Variants in EYS observed in about 807,000 individuals in gnomAD.
The protein encoded by EYS is EGF-like photoreceptor maintenance factor, also known as protein eyes shut homolog.
In EYS, 250 loss-of-function variants were observed where a neutral mutation model predicts 282.1. That is an observed-to-expected ratio of 0.89 (90% confidence interval 0.80 to 0.98). The LOEUF (loss-of-function observed/expected upper bound fraction) is 0.98, where lower values mean the gene tolerates loss of function less well. Ranked by LOEUF, EYS falls within the 50% of genes least tolerant of loss-of-function variation. The pLI, the probability that EYS is intolerant of heterozygous loss-of-function variation, is 0.00. For missense variants in EYS, 4,016 were observed against 3,709.0 expected (o/e 1.08, Z -2.15); for synonymous variants, 1,355 against 1,282.9 (o/e 1.06, Z -1.20).
At chr6:65,258,895 T>C (rs1407965783) in intron 12 of EYS, among the ~76,000 whole-genome samples, 1 of 152,074 alleles carries the variant, frequency 6.6e-6, no homozygotes, top group Non-Finnish European at 1.5e-5. Context: ...CCCATAAAAG[T>C]ATTTTTTAAA....
At chr6:64,072,741 G>A (rs944206208) in intron 32 of EYS, among the ~76,000 whole-genome samples, 1 of 151,730 alleles carries the variant, frequency 6.6e-6, no homozygotes, top group Non-Finnish European at 1.5e-5. Flanking sequence ...CCATTCTATC[G>A]TTTCTACTCA....
At chr6:64,475,180 T>C (rs1417525342) in intron 26 of EYS, among the ~76,000 whole-genome samples, 1 of 152,230 alleles carries the variant, frequency 6.6e-6, no homozygotes, top group South Asian at 2.1e-4. Flanking sequence ...TTTTCTCATG[T>C]GGTATCATAC....
intron 41 of EYS, among the ~76,000 whole-genome samples, chr6:63,727,816 C>A (rs1214706184): frequency 1.4e-4 from 13 of 91,178 alleles, no homozygotes; most frequent in African/African-American, 1.9e-4. Flanking sequence ...GTGGAAGGAT[C>A]AGTTGAGCTT....
intron 24 of EYS, among the ~76,000 whole-genome samples, chr6:64,600,961 C>A (rs1766743635): frequency 6.6e-6 from 1 of 151,998 alleles, no homozygotes; most frequent in South Asian, 2.1e-4. Context: ...AGTGAAATTC[C>A]AGAAATCCTA....
At chr6:64,240,246 T>C (rs1195058383) in intron 30 of EYS, among the ~76,000 whole-genome samples, 1 of 152,220 alleles carries the variant, frequency 6.6e-6, no homozygotes, top group Non-Finnish European at 1.5e-5. Context: ...TGCTCTTTTT[T>C]GGTTCCATAT....
chr6:65,428,524 T>G (rs1767750419), intron 5 of EYS, among the ~76,000 whole-genome samples: 1 of 151,618 alleles, frequency 6.6e-6, no homozygotes, highest in Admixed American at 6.6e-5. Context: ...TTTTTAGCAA[T>G]ATTGAGGTTA....
intron 33 of EYS, among the ~76,000 whole-genome samples, chr6:64,020,320 T>G (rs1769127737): frequency 6.6e-6 from 1 of 152,210 alleles, no homozygotes; most frequent in African/African-American, 2.4e-5. Flanking sequence ...AAATTTTACA[T>G]GTACCTATAA....
At chr6:64,063,348 C>T (rs1162522134) in intron 33 of EYS, among the ~76,000 whole-genome samples, 2 of 152,266 alleles carry the variant, frequency 1.3e-5, no homozygotes, top group Non-Finnish European at 2.9e-5. Context: ...ATCTAACCTG[C>T]TCTTCTTGCA....
chr6:65,033,512 T>C (rs1219834823), intron 13 of EYS, among the ~76,000 whole-genome samples: 4 of 152,256 alleles, frequency 2.6e-5, no homozygotes, highest in African/African-American at 9.6e-5. Context: ...TTCTGGCCTC[T>C]CTAGCTTCAT....
At chr6:64,322,639 G>A (rs766076983) in intron 29 of EYS, among the ~76,000 whole-genome samples, 1 of 152,024 alleles carries the variant, frequency 6.6e-6, no homozygotes, top group Non-Finnish European at 1.5e-5. Flanking sequence ...TGTGGTTGAG[G>A]TGAAGTATTG....
chr6:64,373,540 G>A (rs1772459091), intron 29 of EYS, among the ~76,000 whole-genome samples: 1 of 152,226 alleles, frequency 6.6e-6, no homozygotes, highest in Admixed American at 6.5e-5. Context: ...TCTAGTGGGT[G>A]TAGCCTGTCT....
intron 12 of EYS, among the ~76,000 whole-genome samples, chr6:65,118,112 G>T (rs1027242295): frequency 6.6e-6 from 1 of 152,194 alleles, no homozygotes; most frequent in Non-Finnish European, 1.5e-5. Flanking sequence ...AGTTAACTGA[G>T]ATTCAAATGA....
At chr6:64,158,280 G>C (rs1774994418) in intron 31 of EYS, among the ~76,000 whole-genome samples, 1 of 152,156 alleles carries the variant, frequency 6.6e-6, no homozygotes, top group Non-Finnish European at 1.5e-5. Context: ...TTAGTTGTAG[G>C]CATAAGTGCT....
At chr6:65,000,558 G>A (rs1441435366) in intron 13 of EYS, among the ~76,000 whole-genome samples, 1 of 152,134 alleles carries the variant, frequency 6.6e-6, no homozygotes, top group Non-Finnish European at 1.5e-5. Context: ...GATCATTGGA[G>A]GTCAGGAGTT....
At chr6:64,939,194 C>A (rs578092663) in intron 15 of EYS, among the ~76,000 whole-genome samples, 53 of 151,764 alleles carry the variant, frequency 3.5e-4, no homozygotes, top group Middle Eastern at 3.4e-3. Context: ...AATACATTAT[C>A]TTTATAATCA....
chr6:65,222,965 C>A (rs1174545833), intron 12 of EYS, among the ~76,000 whole-genome samples: 7 of 152,126 alleles, frequency 4.6e-5, no homozygotes, highest in African/African-American at 1.7e-4. Context: ...CAACTCACAA[C>A]AGAACAGCTA....
chr6:64,869,046 G>A (rs1197679416), intron 19 of EYS, among the ~76,000 whole-genome samples: 3 of 151,484 alleles, frequency 2.0e-5, no homozygotes, highest in East Asian at 3.9e-4. Context: ...TAGAAATTGA[G>A]TTTTCTTAGA....
intron 31 of EYS, among the ~76,000 whole-genome samples, chr6:64,090,646 A>C (rs1229501438): frequency 6.6e-6 from 1 of 151,914 alleles, no homozygotes; most frequent in Non-Finnish European, 1.5e-5. Flanking sequence ...TCAACGTTTG[A>C]TGGCTGAAAA....
At chr6:65,278,341 C>CTATATATTCTATATATAGAA (rs1562067843) in intron 12 of EYS, among the ~76,000 whole-genome samples, 1 of 145,462 alleles carries the variant, frequency 6.9e-6, no homozygotes, top group Non-Finnish European at 1.5e-5. Flanking sequence ...TATATAGAAT[C>CTATATATTCTATATATAGAA]TATATATTCT....
Sources: allele counts gnomAD v4.1 joint callset (sites outside exome capture counted in the v4.1 genomes callset), GRCh38; gene constraint gnomAD v4.1.1; transcripts MANE v1.5; gene names NCBI Gene and HGNC (gene_info 2026-07-23, HGNC 2026-07-21).